The following SEC23IP variants were observed in gnomAD, a reference collection of about 807,000 sequenced individuals.
SEC23IP encodes SEC23 interacting protein, also known as SEC23-interacting protein.
In SEC23IP, 70 loss-of-function variants were observed where a neutral mutation model predicts 113.4. The observed-to-expected ratio is 0.62, with a 90% CI of 0.51 to 0.75. The LOEUF is 0.75. SEC23IP is among the 30% of genes least tolerant of loss of function. The pLI is 0.00. For synonymous variants in SEC23IP, 398 were observed against 421.0 expected (o/e 0.95, Z 0.67); for missense variants, 1,160 against 1,204.9 (o/e 0.96, Z 0.55).
At position 119,926,126 on chromosome 10, in the gene SEC23IP, C is replaced by G. The variant is rs1236660060; in HGVS notation, c.2212C>G (p.Leu738Val). 3 of 1,614,098 alleles carry G rather than the reference C, an allele frequency of 1.9e-6. No homozygotes were observed. The Admixed American group carries it at 5.0e-5, about 27-fold the overall frequency. The change falls in exon 13 of 19, where the codon CTC (leucine) becomes GTC (valine). Residue 738 changes from leucine to valine, a missense_variant. Physicochemically the swap from Leu to Val is conservative, Grantham distance 32. Coordinates refer to ENST00000369075, the MANE Select transcript of SEC23IP (RefSeq NM_007190.4). ...CCAGAAGACTAAAGACATGGCTTCCCTCCCCTCAGAATCCAATGAGCCAAA... is the reference window on the plus strand; with the variant it reads ...CCAGAAGACTAAAGACATGGCTTCCGTCCCCTCAGAATCCAATGAGCCAAA... ...SAQKTKDMAS[L>V]PSESNEPKRK...
chr10:119,921,078 A>G (rs1855237476), intron 12 of SEC23IP, 94 bp downstream of exon 12: 2 of 860,036 alleles, frequency 2.3e-6, no homozygotes, highest in Admixed American at 2.1e-5. Flanking sequence ...ATGGTTAGGT[A>G]AGCTAGTTTG....
chr10:119,899,023 T>C (rs1278750441), intron 2 of SEC23IP, 64 bp downstream of exon 2: 4 of 1,347,022 alleles, frequency 3.0e-6, no homozygotes, highest in Non-Finnish European at 4.0e-6. Flanking sequence ...CCTGAACCTA[T>C]GTTTTAAAAA....
Position 119,898,410 on chromosome 10 carries a change from C to G in SEC23IP, c.164-17C>G. The G allele has an allele frequency of 1.2e-6, 2 of 1,600,218 alleles. No homozygotes were observed. Among genetic ancestry groups the G allele is most frequent in the Non-Finnish European group, 1.7e-6 (2 of 1,172,658 alleles). On this transcript the variant is annotated splice_polypyrimidine_tract_variant and intron_variant, in intron 1 of 18. Coordinates refer to ENST00000369075, the MANE Select transcript of SEC23IP (RefSeq NM_007190.4). ...TAGAGTACCCTTTAAACCACATGCT[C>G]TCCTGTTCCATTTCAGAGGATTCCA...
At chr10:119,917,801 CTG>C (rs1855103049) in intron 8 of SEC23IP, 33 bp from the exon 9 acceptor site, 1 of 1,519,564 alleles carries the variant, frequency 6.6e-7, no homozygotes, top group African/African-American at 1.4e-5. Flanking sequence ...AAGGTAGATG[CTG>C]ACTGAATGTG....
chr10:119,937,283 A>G (rs1418146445), intron 18 of SEC23IP, among the ~76,000 whole-genome samples: 2 of 151,896 alleles, frequency 1.3e-5, no homozygotes, highest in African/African-American at 4.8e-5. Context: ...ATTTTTCCTT[A>G]TACTTTGGAT....
At chr10:119,924,414 T>C (rs1855352866) in intron 12 of SEC23IP, among the ~76,000 whole-genome samples, 1 of 151,664 alleles carries the variant, frequency 6.6e-6, no homozygotes, top group South Asian at 2.2e-4. Context: ...TCTCTCGTTA[T>C]AGAGATAACA....
At chr10:119,931,985 T>C (rs1855620345) in intron 15 of SEC23IP, 148 bp from the exon 16 acceptor site, 1 of 520,990 alleles carries the variant, frequency 1.9e-6, no homozygotes, top group Non-Finnish European at 3.5e-6. Flanking sequence ...TGCTGAGGGT[T>C]CTTGGCTGAG....
intron 1 of SEC23IP, among the ~76,000 whole-genome samples, chr10:119,897,241 G>A (rs1036213965): frequency 2.0e-5 from 3 of 152,180 alleles, no homozygotes; most frequent in Non-Finnish European, 4.4e-5. Flanking sequence ...GAATATGAAA[G>A]CTACAAGCTA....
rs774558219 is a variant in SEC23IP, at chr10:119,943,275, G to C, written c.*2710G>C. 1 of 152,206 alleles carries C rather than the reference G, an allele frequency of 6.6e-6. No individual in the cohort carries two copies. Among genetic ancestry groups the C allele is most frequent in the Non-Finnish European group, 1.5e-5 (1 of 68,038 alleles). 9.4% of individuals were successfully genotyped at this position (152,206 alleles called of 1,614,324 possible). A position where few individuals can be genotyped will look rare whatever the true frequency, so the allele number is the denominator to read the frequency against. On this transcript the variant is annotated 3_prime_UTR_variant, in exon 19 of 19. Transcript: ENST00000369075. ...GTTTCCCAGGGCTGGGTCCTCAGAG[G>C]AGAGTGGATAGAATTCAGTTCCTCT...
At chr10:119,893,234 C>T (rs1479774780) in intron 1 of SEC23IP, among the ~76,000 whole-genome samples, 1 of 152,178 alleles carries the variant, frequency 6.6e-6, no homozygotes, top group African/African-American at 2.4e-5. Context: ...TGTTGGTACG[C>T]CAGGTGCTGG....
chr10:119,918,307 T>C (rs1328674046), intron 9 of SEC23IP, 86 bp from the exon 10 acceptor site: 2 of 821,700 alleles, frequency 2.4e-6, no homozygotes, highest in African/African-American at 3.4e-5. Context: ...AACTTCTGTA[T>C]GACTTTTGAC....
intron 17 of SEC23IP, 105 bp downstream of exon 17, chr10:119,933,272 A>G (rs1455571756): frequency 3.3e-6 from 3 of 921,564 alleles, no homozygotes; most frequent in Admixed American, 2.2e-5. Flanking sequence ...TGTACTATGA[A>G]TATTCATTTG....
rs1178524112 is a variant in SEC23IP at position 119,898,604 on chromosome 10, C to T, written c.341C>T (p.Pro114Leu). Residue 114 changes from proline to leucine, a missense_variant, in exon 2 of 19, where the codon CCC (proline) becomes CTC (leucine). Coordinates refer to ENST00000369075, the MANE Select transcript of SEC23IP (RefSeq NM_007190.4). ...AATSVGQSGFPKPLTALPFTT... is the reference protein window; with the variant it reads ...AATSVGQSGFLKPLTALPFTT... ...ACCTCAGTTGGACAATCAGGATTCC[C>T]CAAGCCCCTGACTGCTCTCCCTTTT... The T allele has an allele frequency of 3.7e-6, 6 of 1,614,184 alleles. No homozygotes were observed. The highest frequency in any genetic ancestry group is 5.1e-6 in the Non-Finnish European group (6 of 1,180,042).
intron 5 of SEC23IP, 88 bp from the exon 6 acceptor site, chr10:119,911,956 G>T (rs531274460): frequency 1.4e-6 from 2 of 1,466,660 alleles, no homozygotes; most frequent in South Asian, 2.5e-5. Flanking sequence ...GTACTCTGAG[G>T]TATAGCTTAT....
At chr10:119,932,059 T>C in intron 15 of SEC23IP, 74 bp from the exon 16 acceptor site, 1 of 934,498 alleles carries the variant, frequency 1.1e-6, no homozygotes, top group African/African-American at 1.6e-5. Flanking sequence ...AGAAGAGTGT[T>C]AACTTACAAT....
chr10:119,917,783 G>C, intron 8 of SEC23IP, 53 bp from the exon 9 acceptor site: 1 of 1,390,888 alleles, frequency 7.2e-7, no homozygotes, highest in South Asian at 1.3e-5. Context: ...AAAAAAATCT[G>C]TAAATTTAAG....
At chr10:119,935,638 T>C (rs1234828328) in intron 18 of SEC23IP, among the ~76,000 whole-genome samples, 2 of 152,152 alleles carry the variant, frequency 1.3e-5, no homozygotes, top group East Asian at 3.9e-4. Context: ...ATTTTAGGTA[T>C]TGGGTTTCAC....
intron 8 of SEC23IP, 48 bp from the exon 9 acceptor site, chr10:119,917,787 AT>A: frequency 7.0e-7 from 1 of 1,432,566 alleles, no homozygotes; most frequent in South Asian, 1.2e-5. Context: ...AAATCTGTAA[AT>A]TTAAGGTAGA....
chr10:119,915,907 A>G lies in SEC23IP; in HGVS notation c.1544+18A>G, dbSNP rs751815481. 27 of 1,453,834 alleles carry G rather than the reference A, an allele frequency of 1.9e-5. No individual in the cohort carries two copies. In the South Asian group the frequency reaches 4.1e-4, roughly 22 times the overall value. 90.1% of individuals were successfully genotyped at this position (1,453,834 alleles called of 1,614,324 possible). On this transcript the variant is annotated intron_variant, in intron 8 of 18. Coordinates refer to ENST00000369075, the MANE Select transcript of SEC23IP (RefSeq NM_007190.4). ...GTGGACAGGTTTGTGGATTTTGATA[A>G]CTTGTTTTTCAGATTAGTCATATTT...
Sources: allele counts gnomAD v4.1 joint callset (sites outside exome capture counted in the v4.1 genomes callset), GRCh38; gene constraint gnomAD v4.1.1; transcripts MANE v1.5; gene names NCBI Gene and HGNC (gene_info 2026-07-23, HGNC 2026-07-21).